ICE2: variants seen among roughly 807,000 people sequenced by gnomAD.
ICE2 encodes the protein little elongation complex subunit 2.
In ICE2, 87 loss-of-function variants were observed where a neutral mutation model predicts 105.4. The ratio of observed to expected loss-of-function variants is 0.83; its 90% CI spans 0.69 to 0.99. ICE2 has a LOEUF of 0.99. Among genes scored for constraint, ICE2 ranks in the 50% least tolerant of loss-of-function variants. The probability of loss-of-function intolerance (pLI) is 0.00; values close to 1 mark genes in which losing one functional copy is unlikely to be tolerated. For synonymous variants in ICE2, 399 were observed against 392.0 expected (o/e 1.02, Z -0.21); for missense variants, 1,323 against 1,146.7 (o/e 1.15, Z -2.22).
intron 11 of ICE2, among the ~76,000 whole-genome samples, chr15:60,447,139 A>C (rs1315107490): frequency 6.6e-6 from 1 of 152,174 alleles, no homozygotes; most frequent in Non-Finnish European, 1.5e-5. Context: ...ACCCAAAAGA[A>C]ACAACAGGGG....
chr15:60,453,031 G>T, intron 9 of ICE2: 1 of 857,692 alleles, frequency 1.2e-6, no homozygotes, highest in Non-Finnish European at 1.4e-6. Flanking sequence ...AGAAGTTTGA[G>T]ACCAGCCAGG....
rs147686086 is a variant in ICE2, at chr15:60,455,356, C to T, written c.753G>A (p.Thr251=). The change falls in exon 7 of 16, where the codon ACG becomes ACA. Residue 251 remains threonine (T), a synonymous_variant. Transcript: ENST00000261520. ...GCATAGCTTCAGCTGTTTGTTCTGA[C>T]GTTTCAATGGTAGCTATATCGTCCT... ...LSKDDIATIE[T]SEQTAEAMHY... is the part of the protein sequence containing the mutation. 32 of 1,613,458 alleles carry T rather than the reference C, an allele frequency of 2.0e-5. No homozygotes were observed. The East Asian group carries it at 2.2e-4, about 11-fold the overall frequency.
At chr15:60,470,093 C>T (rs763161221) in intron 3 of ICE2, among the ~76,000 whole-genome samples, 11 of 152,168 alleles carry the variant, frequency 7.2e-5, no homozygotes, top group Non-Finnish European at 1.3e-4. Flanking sequence ...CTTCATTCCT[C>T]CATTTGTTAA....
chr15:60,473,870 G>C (rs1208683787), intron 3 of ICE2, among the ~76,000 whole-genome samples: 1 of 152,148 alleles, frequency 6.6e-6, no homozygotes, highest in Non-Finnish European at 1.5e-5. Context: ...GAGGAAAGTT[G>C]CTTCTGAAAC....
At chr15:60,437,674 CAG>C (rs1000698828) in intron 12 of ICE2, 3 of 151,450 alleles carry the variant, frequency 2.0e-5, no homozygotes, top group Non-Finnish European at 4.4e-5. Context: ...TTTTTTAAGA[CAG>C]AGTCTTGCTC....
intron 5 of ICE2, among the ~76,000 whole-genome samples, chr15:60,463,358 T>C (rs1385820889): frequency 6.6e-6 from 1 of 151,970 alleles, no homozygotes; most frequent in African/African-American, 2.4e-5. Context: ...ATTAATATAA[T>C]GGAAAAATGG....
At chr15:60,456,573 A>G (rs2064125778) in intron 6 of ICE2, 84 bp downstream of exon 6, 1 of 156,554 alleles carries the variant, frequency 6.4e-6, no homozygotes, top group South Asian at 1.1e-4. Context: ...ATAAATATAT[A>G]TATATATATA....
chr15:60,428,707 C>T lies in ICE2; in HGVS notation c.2562-20G>A, dbSNP rs1194228358. The stretch of plus-strand genomic sequence containing the variant: ...TGCAAGCTAAATTCACACAATGAAA[C>T]TCAACCCACTGGCTCACTGTGTCAA... On this transcript the variant is annotated intron_variant, in intron 14 of 15. Transcript: ENST00000261520. 1 of 1,607,676 alleles carries T rather than the reference C, an allele frequency of 6.2e-7. No individual in the cohort carries two copies. Among genetic ancestry groups the T allele is most frequent in the Non-Finnish European group, 8.5e-7 (1 of 1,175,130 alleles).
In ICE2 at chr15:60,449,684, A is replaced by C. The variant is rs777309528; in HGVS notation, c.1283T>G (p.Met428Arg). Reference sequence around the variant, plus strand: ...TTTGGGGGCTGTAGGAGCATCTGTCATGTTAGGTACTGTGGAAGTACTTGC... The same window carrying C: ...TTTGGGGGCTGTAGGAGCATCTGTCCTGTTAGGTACTGTGGAAGTACTTGC... ...SPASTSTVPN[M>R]TDAPTAPKAG... The change falls in exon 10 of 16, where the codon ATG becomes AGG. Residue 428 changes from methionine to arginine, a missense_variant. Coordinates refer to ENST00000261520, the MANE Select transcript of ICE2 (RefSeq NM_024611.6). The C allele has an allele frequency of 6.2e-6, 10 of 1,614,068 alleles. No individual in the cohort carries two copies. The South Asian group carries it at 9.9e-5, about 16-fold the overall frequency.
At chr15:60,475,937 T>C (rs2064748832) in intron 3 of ICE2, 126 bp downstream of exon 3, 2 of 611,314 alleles carry the variant, frequency 3.3e-6, no homozygotes, top group South Asian at 2.4e-5. Flanking sequence ...ATACCAGTGT[T>C]AAAAGTTGTT....
chr15:60,452,591 C>G (rs2063991920), intron 9 of ICE2: 1 of 155,290 alleles, frequency 6.4e-6, no homozygotes, highest in African/African-American at 2.4e-5. Flanking sequence ...ATAGTATCTG[C>G]TTAATAAAAA....
In ICE2 at chr15:60,453,434, G is replaced by A. The variant is rs111764367; in HGVS notation, c.1125+169C>T. 13 of 1,384,918 alleles carry A rather than the reference G, an allele frequency of 9.4e-6. No homozygotes were observed. The African/African-American group carries it at 1.5e-4, about 16-fold the overall frequency. 85.8% of individuals were successfully genotyped at this position (1,384,918 alleles called of 1,614,324 possible). Reference sequence around the variant, plus strand: ...ATGAAAGGAGAAAACTTAGGCTGAGGGAGGTTAAGTTAGTTGCCTAAAGTC... The same window carrying A: ...ATGAAAGGAGAAAACTTAGGCTGAGAGAGGTTAAGTTAGTTGCCTAAAGTC... On this transcript the variant is annotated intron_variant, in intron 9 of 15. Transcript: ENST00000261520.
chr15:60,425,761 TG>T (rs2063327306), intron 15 of ICE2, among the ~76,000 whole-genome samples: 1 of 152,214 alleles, frequency 6.6e-6, no homozygotes, highest in Admixed American at 6.5e-5. Context: ...CTTACTTCCC[TG>T]GTTTCCTGAA....
intron 3 of ICE2, among the ~76,000 whole-genome samples, chr15:60,472,182 AAAGT>A (rs1486878567): frequency 6.6e-6 from 1 of 152,128 alleles, no homozygotes; most frequent in African/African-American, 2.4e-5. Flanking sequence ...GCTTCAAAGA[AAAGT>A]AACACAATAT....
intron 14 of ICE2, among the ~76,000 whole-genome samples, chr15:60,431,066 G>A (rs1411608545): frequency 2.0e-5 from 3 of 151,982 alleles, no homozygotes; most frequent in Non-Finnish European, 4.4e-5. Flanking sequence ...TAGAGACGGG[G>A]TTTCACCATG....
chr15:60,461,595 A>G (rs2064278962), intron 5 of ICE2, among the ~76,000 whole-genome samples: 1 of 152,208 alleles, frequency 6.6e-6, no homozygotes, highest in African/African-American at 2.4e-5. Flanking sequence ...GCATAAGAAA[A>G]ATAATTTCAA....
At position 60,436,193 on chromosome 15, in the gene ICE2, T is replaced by G. The variant is rs1405115162; in HGVS notation, c.2460A>C (p.Leu820=). Residue 820 remains leucine (L), a synonymous_variant, in exon 13 of 16, where the codon CTA becomes CTC. Coordinates refer to ENST00000261520, the MANE Select transcript of ICE2 (RefSeq NM_024611.6). ...HIDAFTSKLF[L]LEEITSEELK... is the part of the protein sequence containing the mutation. Reference sequence around the variant, plus strand: ...ATTCTTCTGAGGTAATTTCTTCCAGTAGAAAAAGTTTTGAAGTAAATGCAT... The same window carrying G: ...ATTCTTCTGAGGTAATTTCTTCCAGGAGAAAAAGTTTTGAAGTAAATGCAT... 1 of 1,462,656 alleles carries G rather than the reference T, an allele frequency of 6.8e-7. No homozygotes were observed. Among genetic ancestry groups the G allele is most frequent in the Non-Finnish European group, 9.2e-7 (1 of 1,088,874 alleles). The allele number at this position is 1,462,656 out of a possible 1,614,324, so 90.6% of individuals were successfully genotyped here. A position where few individuals can be genotyped will look rare whatever the true frequency, so the allele number is the denominator to read the frequency against.
intron 5 of ICE2, among the ~76,000 whole-genome samples, chr15:60,463,607 T>TA (rs2064339559): frequency 6.6e-6 from 1 of 152,120 alleles, no homozygotes; most frequent in South Asian, 2.1e-4. Flanking sequence ...ACCCCATTTC[T>TA]ACTAAAAACA....
intron 11 of ICE2, chr15:60,445,528 T>G (rs1445645190): frequency 1.1e-6 from 1 of 948,336 alleles, no homozygotes; most frequent in African/African-American, 1.8e-5. Flanking sequence ...ATTTTAAAAT[T>G]TTATTCTGAG....
Sources: allele counts gnomAD v4.1 joint callset (sites outside exome capture counted in the v4.1 genomes callset), GRCh38; gene constraint gnomAD v4.1.1; transcripts MANE v1.5; gene names NCBI Gene and HGNC (gene_info 2026-07-23, HGNC 2026-07-21).